The following DHDDS variants were observed in gnomAD, a reference collection of about 807,000 sequenced individuals.
DHDDS encodes the protein dehydrodolichyl diphosphate synthase complex subunit DHDDS.
A neutral mutation model predicts 46.2 loss-of-function variants in DHDDS; 16 were observed. That is an observed-to-expected ratio of 0.35 (90% CI 0.23 to 0.53). The LOEUF is 0.53. Among genes scored for constraint, DHDDS ranks in the 20% least tolerant of loss-of-function variants. DHDDS has a pLI of 0.94. For synonymous variants in DHDDS, 151 were observed against 163.1 expected (o/e 0.93, Z 0.56); for missense variants, 340 against 423.7 (o/e 0.80, Z 1.73).
At chr1:26,454,054 C>T (rs753438434) in intron 6 of DHDDS, among the ~76,000 whole-genome samples, 3 of 151,998 alleles carry the variant, frequency 2.0e-5, no homozygotes, top group Non-Finnish European at 4.4e-5. Context: ...CCCGGGTTCA[C>T]GCCATTCTCC....
intron 6 of DHDDS, among the ~76,000 whole-genome samples, chr1:26,457,126 G>T (rs539707953): frequency 1.3e-5 from 2 of 152,122 alleles, no homozygotes; most frequent in South Asian, 4.1e-4. Flanking sequence ...ATTCATCTTT[G>T]AGCCTCAGTT....
At chr1:26,446,540 TGA>T (rs757693990) in intron 5 of DHDDS, 108 bp downstream of exon 5, 22 of 1,006,974 alleles carry the variant, frequency 2.2e-5, no homozygotes, top group Non-Finnish European at 3.0e-5. Flanking sequence ...CAAGGGGCAA[TGA>T]GAGAGTAGGT....
At chr1:26,451,403 GAT>G (rs1491461027) in intron 6 of DHDDS, among the ~76,000 whole-genome samples, 1 of 102,212 alleles carries the variant, frequency 9.8e-6, no homozygotes, top group Non-Finnish European at 2.1e-5. Flanking sequence ...TATGTATGTA[GAT>G]GTGTGTGTGT....
Position 26,470,399 on chromosome 1 carries a change from A to T in DHDDS, c.*1268A>T, listed in dbSNP as rs1465577979. The T allele has an allele frequency of 7.1e-6, 1 of 140,108 alleles. No individual in the cohort carries two copies. The highest frequency in any genetic ancestry group is 2.8e-5 in the African/African-American group (1 of 36,198). 8.7% of individuals were successfully genotyped at this position (140,108 alleles called of 1,614,324 possible). A position where few individuals can be genotyped will look rare whatever the true frequency, so the allele number is the denominator to read the frequency against. On this transcript the variant is annotated 3_prime_UTR_variant, in exon 9 of 9. Transcript: ENST00000236342. ...TGACCTCAGGTGATCCGCCGGCCTC[A>T]CCCTCCCAAAGTGCTGGGATTACAG...
In DHDDS at chr1:26,442,886, C is replaced by T; in HGVS notation, c.323+13C>T. 2 of 1,613,922 alleles carry T rather than the reference C, an allele frequency of 1.2e-6. No individual in the cohort carries two copies. The highest frequency in any genetic ancestry group is 1.7e-6 in the Non-Finnish European group (2 of 1,179,958). ...TGATGGAAGAAAAGTAAGATGCTAT[C>T]AGAGGGGAGAGCATGTTCTTCCACC... On this transcript the variant is annotated intron_variant, in intron 4 of 8. Coordinates refer to ENST00000236342, the MANE Select transcript of DHDDS (RefSeq NM_205861.3).
At chr1:26,438,089 T>TA in intron 2 of DHDDS, 79 bp from the exon 3 acceptor site, 1 of 1,460,914 alleles carries the variant, frequency 6.8e-7, no homozygotes, top group Non-Finnish European at 9.6e-7. Context: ...AGCCCAAACA[T>TA]ATCACCTTGG....
intron 8 of DHDDS, among the ~76,000 whole-genome samples, chr1:26,460,398 A>T (rs1289278370): frequency 6.6e-6 from 1 of 152,196 alleles, no homozygotes; most frequent in Non-Finnish European, 1.5e-5. Context: ...AAGCAAACAG[A>T]AATGATTTAG....
intron 6 of DHDDS, among the ~76,000 whole-genome samples, chr1:26,450,189 A>G (rs1327482922): frequency 6.6e-6 from 1 of 152,136 alleles, no homozygotes. Context: ...ATGGTCTCAC[A>G]CTGTCTCCTG....
At chr1:26,443,157 C>T (rs1198343682) in intron 4 of DHDDS, 4 of 409,708 alleles carry the variant, frequency 9.8e-6, no homozygotes, top group African/African-American at 8.2e-5. Context: ...AGGAATTAAA[C>T]CCACTAGGTA....
chr1:26,456,716 C>G (rs2075373466), intron 6 of DHDDS, among the ~76,000 whole-genome samples: 1 of 152,192 alleles, frequency 6.6e-6, no homozygotes, highest in African/African-American at 2.4e-5. Context: ...TACATAAATT[C>G]AAACAATAAC....
At chr1:26,438,487 G>T in intron 3 of DHDDS, 2 of 540,946 alleles carry the variant, frequency 3.7e-6, no homozygotes, top group Non-Finnish European at 3.4e-6. Flanking sequence ...ACTTTGGGAG[G>T]CCAAGGCAGG....
intron 6 of DHDDS, chr1:26,448,193 C>CTTT (rs11300095): frequency 3.3e-5 from 4 of 121,364 alleles, no homozygotes; most frequent in Admixed American, 8.5e-5. Context: ...TTTTTCTTTT[C>CTTT]TTTTTTTTTT....
intron 2 of DHDDS, among the ~76,000 whole-genome samples, chr1:26,433,968 A>G (rs1475623891): frequency 6.6e-6 from 1 of 152,160 alleles, no homozygotes; most frequent in African/African-American, 2.4e-5. Flanking sequence ...TCCTGACCTC[A>G]GGTGATCCAC....
chr1:26,436,086 C>G (rs1183286451), intron 2 of DHDDS, among the ~76,000 whole-genome samples: 1 of 151,296 alleles, frequency 6.6e-6, no homozygotes, highest in Non-Finnish European at 1.5e-5. Flanking sequence ...GTACCATCTT[C>G]ATTTGACTAT....
chr1:26,460,124 A>T lies in DHDDS; in HGVS notation c.745A>T (p.Met249Leu). ...NLFEAILQFQ[M>L]NHSVLQKARD... ...CTTCGAGGCCATCCTGCAGTTCCAG[A>T]TGAACCATAGCGTGCTTCAGGTAAG... The change falls in exon 8 of 9, where the codon ATG becomes TTG. Residue 249 changes from methionine (M) to leucine (L), a missense_variant. Met to Leu is a conservative substitution (Grantham distance 15, BLOSUM62 2). Coordinates refer to ENST00000236342, the MANE Select transcript of DHDDS (RefSeq NM_205861.3). The T allele has an allele frequency of 6.2e-7, 1 of 1,614,098 alleles. No homozygotes were observed. Among genetic ancestry groups the T allele is most frequent in the African/African-American group, 1.3e-5 (1 of 75,046 alleles).
At chr1:26,451,404 ATGTGTGTGTGTGTGTGTGTG>A (rs35376620) in intron 6 of DHDDS, among the ~76,000 whole-genome samples, 29,216 of 136,050 alleles carry the variant, frequency 0.21, 3,278 homozygotes, top group Admixed American at 0.36. Context: ...ATGTATGTAG[ATGTGTGTGTGTGTGTGTGTG>A]TGTGTGTGTG....
At chr1:26,447,428 G>A in intron 5 of DHDDS, 131 bp from the exon 6 acceptor site, 6 of 759,108 alleles carry the variant, frequency 7.9e-6, no homozygotes, top group Non-Finnish European at 1.4e-5. Flanking sequence ...CCTTTCAGAG[G>A]TATCCACAAT....
Position 26,449,718 on chromosome 1 carries a change from C to T in DHDDS, c.542+2058C>T, listed in dbSNP as rs185476175. Among the ~76,000 whole-genome samples the T allele has an allele frequency of 8.5e-5, 13 of 152,086 alleles. No homozygotes were observed. In the East Asian group the frequency reaches 1.9e-3, roughly 23 times the overall value. ...GGATTACAGGGGCATGCCACCATGC[C>T]CAGCTAATTTTTGTATTTTTAGTAG... On this transcript the variant is annotated intron_variant, in intron 6 of 8. Transcript: ENST00000236342.
intron 2 of DHDDS, among the ~76,000 whole-genome samples, chr1:26,437,771 C>T (rs1401129041): frequency 1.3e-5 from 2 of 150,096 alleles, no homozygotes; most frequent in East Asian, 2.0e-4. Context: ...CCACCATGCC[C>T]GGCCGACCCC....
Sources: gnomAD v4.1 joint callset for allele counts (sites outside exome capture counted in the v4.1 genomes callset) on GRCh38, gnomAD v4.1.1 for gene constraint, MANE v1.5 for transcripts, NCBI Gene and HGNC (gene_info 2026-07-23, HGNC 2026-07-21) for gene names.